The following MICAL3 variants were observed in gnomAD, a reference collection of about 807,000 sequenced individuals.
The protein encoded by MICAL3 is [F-actin]-monooxygenase MICAL3.
Under a neutral mutation model 207.4 loss-of-function variants are expected in MICAL3, and 62 were observed. The observed-to-expected ratio is 0.30, with a 90% confidence interval of 0.24 to 0.37. The LOEUF (loss-of-function observed/expected upper bound fraction) is 0.37. MICAL3 is among the 10% of genes least tolerant of loss of function. The pLI, the probability that MICAL3 is intolerant of heterozygous loss-of-function variation, is 1.00. For missense variants in MICAL3, 2,368 were observed against 2,635.6 expected, an observed-to-expected ratio of 0.90 and a Z score of 2.22; for synonymous variants, 1,077 against 1,069.3, an observed-to-expected ratio of 1.01 and a Z score of -0.14.
Position 17,896,449 on chromosome 22 carries a change from C to A in MICAL3, c.1207-88G>T, listed in dbSNP as rs1012125762. On this transcript the variant is annotated intron_variant, in intron 8 of 31. Transcript: ENST00000441493. ...AACTAAGGAACAAAGAGTTTGCTGT[C>A]GACAGTAGTGTTTGGCAACTGTTTC... 4 of 884,418 alleles carry A rather than the reference C, an allele frequency of 4.5e-6. No individual in the cohort carries two copies. In the African/African-American group the frequency reaches 5.1e-5, roughly 11 times the overall value. 54.8% of individuals were successfully genotyped at this position (884,418 alleles called of 1,614,324 possible). A position where few individuals can be genotyped will look rare whatever the true frequency, so the allele number is the denominator to read the frequency against.
At chr22:17,938,984 T>G (rs1242141587) in intron 1 of MICAL3, among the ~76,000 whole-genome samples, 2 of 152,188 alleles carry the variant, frequency 1.3e-5, no homozygotes, top group Non-Finnish European at 2.9e-5. Context: ...ATGTAGAAAT[T>G]TCATCTCCAA....
rs181719132 is a variant in MICAL3 at position 17,972,870 on chromosome 22, C to G, written c.-75+51411G>C. 1.6e-4 allele frequency among the ~76,000 whole-genome samples: 25 copies of G among 152,342 alleles called. No individual in the cohort carries two copies. The East Asian group carries it at 4.4e-3, about 27-fold the overall frequency. On this transcript the variant is annotated intron_variant, in intron 1 of 31. Transcript: ENST00000441493. ...TTCCCACAGCAACTGTAACCTGACC[C>G]GTCAGCTTAAGTAGCCTTTGGCACT... is the stretch of plus-strand genomic sequence containing the variant.
At chr22:17,884,002 G>A (rs1310736810) in intron 16 of MICAL3, among the ~76,000 whole-genome samples, 1 of 152,196 alleles carries the variant, frequency 6.6e-6, no homozygotes, top group Non-Finnish European at 1.5e-5. Flanking sequence ...GTACCCTTGG[G>A]TGAGCCACCT....
intron 19 of MICAL3, chr22:17,861,840 A>T (rs1449701307): frequency 2.0e-6 from 2 of 985,346 alleles, no homozygotes; most frequent in African/African-American, 1.7e-5. Context: ...GGCAGCAGGT[A>T]CAGATTTGGT....
At chr22:17,983,982 G>GT (rs1569157306) in intron 1 of MICAL3, among the ~76,000 whole-genome samples, 1 of 152,178 alleles carries the variant, frequency 6.6e-6, no homozygotes, top group Non-Finnish European at 1.5e-5. Flanking sequence ...GCAAATCATC[G>GT]TGACTCTAGG....
intron 1 of MICAL3, among the ~76,000 whole-genome samples, chr22:17,917,444 C>G (rs1384359772): frequency 1.3e-5 from 2 of 152,176 alleles, no homozygotes; most frequent in African/African-American, 4.8e-5. Flanking sequence ...GTTCTACCTT[C>G]AAATACAGCC....
At chr22:17,831,717 T>C in intron 21 of MICAL3, 137 bp downstream of exon 21, 3 of 1,382,688 alleles carry the variant, frequency 2.2e-6, no homozygotes, top group Non-Finnish European at 2.9e-6. Context: ...CCATGTCTTA[T>C]GTCAGGAGGG....
chr22:18,007,272 A>G (rs1267570185), intron 1 of MICAL3: 2 of 152,246 alleles, frequency 1.3e-5, no homozygotes, highest in East Asian at 1.9e-4. Flanking sequence ...ATTTTGATGT[A>G]TGTGTTTTCT....
At chr22:17,808,430 A>C (rs1276128379) in intron 29 of MICAL3, among the ~76,000 whole-genome samples, 2 of 150,126 alleles carry the variant, frequency 1.3e-5, no homozygotes, top group Non-Finnish European at 2.9e-5. Flanking sequence ...GTCCCAGGGA[A>C]CTAACGACAT....
rs558466560 is a variant in MICAL3 at position 17,961,344 on chromosome 22, C to T, written c.-74-54458G>A. Among the ~76,000 whole-genome samples the T allele has an allele frequency of 8.3e-4, 126 of 152,282 alleles. No homozygotes were observed. The Middle Eastern group carries it at 0.017, about 21-fold the overall frequency. ...AACATAAATCTCCTTCCCGCTGGGT[C>T]CTACTAGAGGCAGCAGAAAGGATTG... is the stretch of plus-strand genomic sequence containing the variant. On this transcript the variant is annotated intron_variant, in intron 1 of 31. Transcript: ENST00000441493.
intron 1 of MICAL3, among the ~76,000 whole-genome samples, chr22:17,955,876 G>C (rs2099945): frequency 0.23 from 34,741 of 152,122 alleles, 4,189 homozygotes; most frequent in Middle Eastern, 0.29. Flanking sequence ...AGAGATCTCC[G>C]ACTCCCCACT....
At chr22:17,961,895 G>A (rs1185472832) in intron 1 of MICAL3, among the ~76,000 whole-genome samples, 2 of 152,160 alleles carry the variant, frequency 1.3e-5, no homozygotes, top group South Asian at 4.1e-4. Context: ...GGCAAGTGGC[G>A]GGGCTGTGCA....
chr22:17,964,729 C>T (rs950888269), intron 1 of MICAL3, among the ~76,000 whole-genome samples: 1 of 152,182 alleles, frequency 6.6e-6, no homozygotes, highest in Admixed American at 6.5e-5. Context: ...GTTTCTGGTA[C>T]AAGCCAGTCC....
rs1406643256 is a variant in MICAL3, at chr22:17,896,952, G to A, written c.978C>T (p.Ser326=). Residue 326 remains serine (S), a synonymous_variant, in exon 8 of 32, where the codon TCC becomes TCT. Coordinates refer to ENST00000441493, the MANE Select transcript of MICAL3 (RefSeq NM_015241.3). Reference sequence around the variant, plus strand: ...GAGCCTCCTGGTCCACGTTTTCTCGGGAAAGCAGGAGCTCTGTGTCGGCGT... The same window carrying A: ...GAGCCTCCTGGTCCACGTTTTCTCGAGAAAGCAGGAGCTCTGTGTCGGCGT... ...HDYADTELLL[S]RENVDQEALL... 6.2e-7 allele frequency: 1 copy of A among 1,613,732 alleles called. No individual in the cohort carries two copies. Among genetic ancestry groups the A allele is most frequent in the Middle Eastern group, 1.7e-4 (1 of 6,050 alleles).
chr22:17,812,870 T>C (rs1319331767), intron 27 of MICAL3: 1 of 152,116 alleles, frequency 6.6e-6, no homozygotes, highest in Non-Finnish European at 1.5e-5. Flanking sequence ...CTGTCCCTTG[T>C]GTAAAGTTAA....
At position 17,875,476 on chromosome 22, in the gene MICAL3, C is replaced by T. The variant is rs200550726; in HGVS notation, c.2242-3453G>A. The T allele has an allele frequency of 2.1e-3, 3,196 of 1,537,258 alleles. 5 individuals carry two copies. The highest frequency in any genetic ancestry group is 2.5e-3 in the Non-Finnish European group (2,901 of 1,139,756). Reference sequence around the variant, plus strand: ...CGGAGGGAGTCGGAGGAGGGAGAGGCGGGGCGGGCAGAGGAGCGGAGACTA... The same window carrying T: ...CGGAGGGAGTCGGAGGAGGGAGAGGTGGGGCGGGCAGAGGAGCGGAGACTA... On this transcript the variant is annotated intron_variant, in intron 16 of 31. Coordinates refer to ENST00000441493, the MANE Select transcript of MICAL3 (RefSeq NM_015241.3).
chr22:17,864,820 T>C (rs1926901395), intron 19 of MICAL3, 79 bp downstream of exon 19: 2 of 1,613,640 alleles, frequency 1.2e-6, no homozygotes, highest in South Asian at 2.2e-5. Flanking sequence ...GCTTTGGAGG[T>C]GCTGGCTCAT....
At chr22:17,942,768 C>T (rs1390334949) in intron 1 of MICAL3, among the ~76,000 whole-genome samples, 1 of 152,208 alleles carries the variant, frequency 6.6e-6, no homozygotes, top group African/African-American at 2.4e-5. Context: ...GAGCCAGGCC[C>T]GCAGTTCAAC....
chr22:17,808,855 C>A lies in MICAL3; in HGVS notation c.5639G>T (p.Arg1880Leu). Residue 1880 changes from arginine to leucine, a missense_variant, in exon 29 of 32, where the codon CGG (arginine) becomes CTG (leucine). Physicochemically the swap from Arg to Leu is moderately radical, Grantham distance 102. Transcript: ENST00000441493. ...ERGVAVEKALRGEAGMGKKDD... is the reference protein window; with the variant it reads ...ERGVAVEKALLGEAGMGKKDD... ...GAGCCCGGCAGTACCTGCTTCGCCC[C>A]GGAGCGCCTTCTCCACAGCCACGCC... The A allele has an allele frequency of 6.4e-7, 1 of 1,552,764 alleles. No individual in the cohort carries two copies. The highest frequency in any genetic ancestry group is 1.2e-5 in the South Asian group (1 of 84,142).
Sources: gnomAD v4.1 joint callset for allele counts (sites outside exome capture counted in the v4.1 genomes callset) on GRCh38, gnomAD v4.1.1 for gene constraint, MANE v1.5 for transcripts, NCBI Gene and HGNC (gene_info 2026-07-23, HGNC 2026-07-21) for gene names.